Variants in CPVL observed in about 807,000 individuals in gnomAD.
CPVL encodes the protein probable serine carboxypeptidase CPVL.
CPVL carries 51 observed loss-of-function variants against 63.7 expected under a neutral mutation model. The ratio of observed to expected loss-of-function variants is 0.80; its 90% CI spans 0.64 to 1.01. The LOEUF is 1.01. CPVL is among the 50% of genes least tolerant of loss of function. CPVL has a pLI of 0.00. For synonymous variants in CPVL, 195 were observed against 206.0 expected, an observed-to-expected ratio of 0.95 and a Z score of 0.46; for missense variants, 530 against 573.1, an observed-to-expected ratio of 0.92 and a Z score of 0.77.
intron 5 of CPVL, among the ~76,000 whole-genome samples, chr7:29,159,319 G>A (rs1794859688): frequency 6.6e-6 from 1 of 152,186 alleles, no homozygotes; most frequent in Non-Finnish European, 1.5e-5. Context: ...AGCAGAATAA[G>A]GGTTGAAACC....
At chr7:29,107,383 T>C (rs931176229) in intron 3 of CPVL, among the ~76,000 whole-genome samples, 4 of 152,228 alleles carry the variant, frequency 2.6e-5, no homozygotes, top group Non-Finnish European at 5.9e-5. Context: ...TTGGAGTTAC[T>C]GGATATTTTT....
intron 11 of CPVL, among the ~76,000 whole-genome samples, chr7:29,034,254 G>A (rs557863244): frequency 1.8e-4 from 27 of 152,060 alleles, no homozygotes; most frequent in Non-Finnish European, 3.2e-4. Flanking sequence ...ACAGGTGCAT[G>A]CCACTACACC....
At chr7:29,067,857 T>C (rs1461335869) in intron 9 of CPVL, among the ~76,000 whole-genome samples, 1 of 152,086 alleles carries the variant, frequency 6.6e-6, no homozygotes, top group African/African-American at 2.4e-5. Context: ...ATGTCAGAGA[T>C]GAGATGATTA....
intron 11 of CPVL, among the ~76,000 whole-genome samples, chr7:29,058,672 T>A (rs1790985479): frequency 6.6e-6 from 1 of 152,174 alleles, no homozygotes; most frequent in African/African-American, 2.4e-5. Flanking sequence ...TGCAGAATTC[T>A]AAGTTGGTGG....
chr7:29,030,738 G>C lies in CPVL; in HGVS notation c.1159C>G (p.Leu387Val). 1 of 1,610,056 alleles carries C rather than the reference G, an allele frequency of 6.2e-7. No homozygotes were observed. The highest frequency in any genetic ancestry group is 1.1e-5 in the South Asian group (1 of 90,130). ...AGGGCAGCTGCCACGATGATGTCCA[G>C]TTGGCCATTGTAGATCAGAACCTGA... ...NYKVLIYNGQ[L>V]DIIVAAALTE... Residue 387 changes from leucine to valine, a missense_variant, in exon 12 of 13, where the codon CTG (leucine) becomes GTG (valine). Transcript: ENST00000265394.
intron 5 of CPVL, among the ~76,000 whole-genome samples, chr7:29,155,539 G>A (rs1794243665): frequency 6.6e-6 from 1 of 152,136 alleles, no homozygotes; most frequent in Admixed American, 6.6e-5. Flanking sequence ...AGATCAAAGA[G>A]CTACTGAGTG....
At chr7:29,192,505 A>G (rs1783019071) in intron 1 of CPVL, 1 of 152,244 alleles carries the variant, frequency 6.6e-6, no homozygotes, top group African/African-American at 2.4e-5. Context: ...TAGATTGAAG[A>G]TAAGACATTT....
chr7:29,022,710 T>C (rs1208502575), intron 12 of CPVL, among the ~76,000 whole-genome samples: 1 of 152,206 alleles, frequency 6.6e-6, no homozygotes, highest in Non-Finnish European at 1.5e-5. Context: ...AGCCTTTGTA[T>C]GCACACACCA....
At chr7:29,132,270 C>T (rs1476805538) in intron 1 of CPVL, among the ~76,000 whole-genome samples, 4 of 152,040 alleles carry the variant, frequency 2.6e-5, no homozygotes, top group Admixed American at 2.0e-4. Flanking sequence ...GCCAGGTGAG[C>T]GATGGTCGGA....
chr7:29,013,319 T>C (rs1015641957), intron 12 of CPVL: 1 of 152,196 alleles, frequency 6.6e-6, no homozygotes, highest in Non-Finnish European at 1.5e-5. Flanking sequence ...CCAGCTGAGC[T>C]CACTCAATCC....
At chr7:29,051,113 A>G (rs1319765498) in intron 11 of CPVL, among the ~76,000 whole-genome samples, 7 of 152,252 alleles carry the variant, frequency 4.6e-5, no homozygotes, top group Non-Finnish European at 7.3e-5. Context: ...AAGATTGATT[A>G]AGGACTTAAA....
intron 2 of CPVL, among the ~76,000 whole-genome samples, chr7:29,119,772 C>T (rs145358944): frequency 9.8e-4 from 149 of 152,240 alleles, no homozygotes; most frequent in African/African-American, 3.2e-3. Context: ...TGCTGGATAA[C>T]GGGGCACAGC....
intron 12 of CPVL, among the ~76,000 whole-genome samples, chr7:29,028,658 T>C (rs1212902400): frequency 6.6e-6 from 1 of 151,856 alleles, no homozygotes; most frequent in African/African-American, 2.4e-5. Context: ...AAACCATAAA[T>C]AATACCATTA....
chr7:29,118,887 G>A (rs1364485647), intron 2 of CPVL, among the ~76,000 whole-genome samples: 1 of 152,030 alleles, frequency 6.6e-6, no homozygotes, highest in East Asian at 1.9e-4. Flanking sequence ...GACAACCTTG[G>A]GGCCCCTGTG....
At chr7:29,055,354 ATTC>A (rs1200865469) in intron 11 of CPVL, among the ~76,000 whole-genome samples, 2 of 152,068 alleles carry the variant, frequency 1.3e-5, no homozygotes, top group African/African-American at 2.4e-5. Context: ...GGTTCAAGCA[ATTC>A]TTCTGCTTCA....
intron 9 of CPVL, among the ~76,000 whole-genome samples, chr7:29,067,525 G>A (rs1336100049): frequency 6.6e-6 from 1 of 152,138 alleles, no homozygotes; most frequent in Non-Finnish European, 1.5e-5. Context: ...CAAGCTAAGA[G>A]AGAGAACAGC....
intron 11 of CPVL, 129 bp downstream of exon 11, chr7:29,063,932 G>C (rs991301907): frequency 1.6e-6 from 1 of 629,302 alleles, no homozygotes; most frequent in Non-Finnish European, 2.7e-6. Context: ...AAAGAAAGGG[G>C]CTGTTATTTA....
chr7:29,057,522 A>G (rs1283404228), intron 11 of CPVL, among the ~76,000 whole-genome samples: 1 of 152,198 alleles, frequency 6.6e-6, no homozygotes, highest in Non-Finnish European at 1.5e-5. Context: ...CTTCTCAATT[A>G]TTTCTTTCAT....
intron 6 of CPVL, among the ~76,000 whole-genome samples, chr7:29,087,400 G>A (rs1037647736): frequency 7.0e-6 from 1 of 143,234 alleles, no homozygotes; most frequent in Non-Finnish European, 1.5e-5. Flanking sequence ...CTCCAGCCTG[G>A]GCAACAGAGT....
Sources: gnomAD v4.1 joint callset for allele counts (sites outside exome capture counted in the v4.1 genomes callset) on GRCh38, gnomAD v4.1.1 for gene constraint, MANE v1.5 for transcripts, NCBI Gene and HGNC (gene_info 2026-07-23, HGNC 2026-07-21) for gene names.